TMEM135: variants seen among roughly 807,000 people sequenced by gnomAD.
TMEM135 encodes the protein peroxisomal membrane protein 52.
In TMEM135, 30 loss-of-function variants were observed where a neutral mutation model predicts 60.3. The observed-to-expected ratio is 0.50, with a 90% CI of 0.37 to 0.68. The LOEUF is 0.68. TMEM135 is among the 30% of genes least tolerant of loss of function. TMEM135 has a pLI of 0.00. For synonymous variants in TMEM135, 190 were observed against 186.7 expected (o/e 1.02, Z -0.14); for missense variants, 468 against 548.8 (o/e 0.85, Z 1.47).
At chr11:87,210,001 A>T (rs1208500606) in intron 5 of TMEM135, among the ~76,000 whole-genome samples, 1 of 152,202 alleles carries the variant, frequency 6.6e-6, no homozygotes, top group African/African-American at 2.4e-5. Context: ...AATATACCAG[A>T]ATCTTTGGAC....
intron 4 of TMEM135, among the ~76,000 whole-genome samples, chr11:87,149,876 T>C (rs373505600): frequency 2.6e-5 from 4 of 152,228 alleles, no homozygotes; most frequent in East Asian, 3.8e-4. Flanking sequence ...TGATTACTTC[T>C]ATAATAGTTT....
rs963088636 is a variant in TMEM135 at position 87,324,059 on chromosome 11, T to C, written c.*2726T>C. On this transcript the variant is annotated 3_prime_UTR_variant, in exon 15 of 15. Transcript: ENST00000305494. ...TTAGACTGAACATGTATGTTTTTGATGGAATCCAAACTGAGCAAATGTCAC... is the reference window on the plus strand; with the variant it reads ...TTAGACTGAACATGTATGTTTTTGACGGAATCCAAACTGAGCAAATGTCAC... 2.0e-5 allele frequency: 9 copies of C among 454,002 alleles called. No homozygotes were observed. Among genetic ancestry groups the C allele is most frequent in the Middle Eastern group, 6.8e-4 (1 of 1,466 alleles). The allele number at this position is 454,002 out of a possible 1,614,324, so 28.1% of individuals were successfully genotyped here.
rs1565175780 is a variant in TMEM135 at position 87,327,306 on chromosome 11, G to A, written c.*5973G>A. The A allele has an allele frequency of 2.2e-6, 1 of 453,982 alleles. No homozygotes were observed. The highest frequency in any genetic ancestry group is 4.4e-6 in the Non-Finnish European group (1 of 226,782). The allele number at this position is 453,982 out of a possible 1,614,324, so 28.1% of individuals were successfully genotyped here. A position where few individuals can be genotyped will look rare whatever the true frequency, so the allele number is the denominator to read the frequency against. ...TTAGTCAGTAGGGTCTGAATCTGTG[G>A]CAGCAATCTTGCAGACATGAAATGA... On this transcript the variant is annotated 3_prime_UTR_variant, in exon 15 of 15. Coordinates refer to ENST00000305494, the MANE Select transcript of TMEM135 (RefSeq NM_022918.4).
At chr11:87,208,819 G>A (rs1270491759) in intron 5 of TMEM135, among the ~76,000 whole-genome samples, 1 of 152,154 alleles carries the variant, frequency 6.6e-6, no homozygotes, top group African/African-American at 2.4e-5. Flanking sequence ...CTAGAGACAA[G>A]GGGCAGGTCA....
At chr11:87,075,028 C>T (rs1856841519) in intron 3 of TMEM135, among the ~76,000 whole-genome samples, 1 of 152,162 alleles carries the variant, frequency 6.6e-6, no homozygotes, top group Non-Finnish European at 1.5e-5. Context: ...CAGCCTCAAT[C>T]TCCCGGGCCT....
intron 4 of TMEM135, among the ~76,000 whole-genome samples, chr11:87,157,116 G>A (rs1938721445): frequency 6.7e-6 from 1 of 149,162 alleles, no homozygotes. Context: ...TGTCATCTAG[G>A]CAGTGGCTCA....
At chr11:87,079,603 C>T (rs1413174653) in intron 3 of TMEM135, among the ~76,000 whole-genome samples, 1 of 151,296 alleles carries the variant, frequency 6.6e-6, no homozygotes, top group Non-Finnish European at 1.5e-5. Context: ...ATCTGTATGT[C>T]CTTTTTTCTG....
chr11:87,259,502 A>AAG (rs1442084047), intron 6 of TMEM135, among the ~76,000 whole-genome samples: 11 of 152,208 alleles, frequency 7.2e-5, no homozygotes, highest in African/African-American at 2.7e-4. Context: ...TTTAAGAATT[A>AAG]GCATAGATAG....
At chr11:87,080,918 T>A (rs1010602717) in intron 3 of TMEM135, among the ~76,000 whole-genome samples, 15 of 152,214 alleles carry the variant, frequency 9.9e-5, no homozygotes, top group Admixed American at 9.2e-4. Context: ...ACTCCTGACC[T>A]GAAATGATCC....
chr11:87,251,148 T>C (rs968484249), intron 6 of TMEM135, among the ~76,000 whole-genome samples: 1 of 151,956 alleles, frequency 6.6e-6, no homozygotes, highest in Non-Finnish European at 1.5e-5. Flanking sequence ...TGGGTAACAG[T>C]TGGGTATTCA....
intron 1 of TMEM135, among the ~76,000 whole-genome samples, chr11:87,062,070 A>G (rs1017304196): frequency 2.0e-5 from 3 of 152,090 alleles, no homozygotes; most frequent in African/African-American, 2.4e-5. Flanking sequence ...CGGTGGCACA[A>G]TCTCGGCTCA....
intron 3 of TMEM135, among the ~76,000 whole-genome samples, chr11:87,080,025 G>C (rs184106708): frequency 8.6e-5 from 13 of 150,464 alleles, no homozygotes; most frequent in Admixed American, 8.6e-4. Flanking sequence ...TATTTTTAGT[G>C]GAGACGGGGT....
chr11:87,167,312 G>C (rs1266346208), intron 5 of TMEM135, among the ~76,000 whole-genome samples: 2 of 152,094 alleles, frequency 1.3e-5, no homozygotes, highest in Non-Finnish European at 2.9e-5. Flanking sequence ...TCTCTTGCCG[G>C]ATTGCCCTGG....
Position 87,328,413 on chromosome 11 carries a change from A to G in TMEM135, c.*7080A>G, listed in dbSNP as rs1942945532. On this transcript the variant is annotated 3_prime_UTR_variant, in exon 15 of 15. Coordinates refer to ENST00000305494, the MANE Select transcript of TMEM135 (RefSeq NM_022918.4). ...GTACAAGTGGTTTTTGGTTGCATGGATGAATTGTATATTGGTGAAGTCTGA... is the reference window on the plus strand; with the variant it reads ...GTACAAGTGGTTTTTGGTTGCATGGGTGAATTGTATATTGGTGAAGTCTGA... 2 of 453,992 alleles carry G rather than the reference A, an allele frequency of 4.4e-6. No homozygotes were observed. The highest frequency in any genetic ancestry group is 8.8e-6 in the Non-Finnish European group (2 of 226,756). 28.1% of individuals were successfully genotyped at this position (453,992 alleles called of 1,614,324 possible).
intron 6 of TMEM135, among the ~76,000 whole-genome samples, chr11:87,293,858 T>A (rs1942307465): frequency 1.3e-5 from 2 of 152,204 alleles, no homozygotes; most frequent in African/African-American, 4.8e-5. Context: ...ATGATTTGTA[T>A]TCCTTTGGGT....
At chr11:87,175,599 A>G (rs1469982208) in intron 5 of TMEM135, among the ~76,000 whole-genome samples, 2 of 152,216 alleles carry the variant, frequency 1.3e-5, no homozygotes, top group African/African-American at 2.4e-5. Flanking sequence ...CTTAAACAAA[A>G]CAAACAACAT....
At chr11:87,312,719 T>G (rs1452474057) in intron 10 of TMEM135, among the ~76,000 whole-genome samples, 2 of 151,962 alleles carry the variant, frequency 1.3e-5, no homozygotes, top group Non-Finnish European at 2.9e-5. Flanking sequence ...TATTTTTCAT[T>G]TTTTAAGACT....
chr11:87,228,805 A>G (rs565228251), intron 5 of TMEM135, among the ~76,000 whole-genome samples: 95 of 152,340 alleles, frequency 6.2e-4, no homozygotes, highest in African/African-American at 2.2e-3. Flanking sequence ...AGGCTTAAAT[A>G]GTAAAAACAG....
chr11:87,061,273 A>G (rs1483346815), intron 1 of TMEM135, among the ~76,000 whole-genome samples: 3 of 152,170 alleles, frequency 2.0e-5, no homozygotes, highest in Admixed American at 6.5e-5. Context: ...CCTAGGAGAC[A>G]TTTAACAATG....
Sources: gnomAD v4.1 joint callset for allele counts (sites outside exome capture counted in the v4.1 genomes callset) on GRCh38, gnomAD v4.1.1 for gene constraint, MANE v1.5 for transcripts, NCBI Gene and HGNC (gene_info 2026-07-23, HGNC 2026-07-21) for gene names.